The following NCOA7 variants were observed in gnomAD, a reference collection of about 807,000 sequenced individuals.
NCOA7 encodes 140 kDa estrogen receptor-associated protein.
In NCOA7, 45 loss-of-function variants were observed where a neutral mutation model predicts 104.3. The observed-to-expected ratio is 0.43, with a 90% CI of 0.34 to 0.55. The LOEUF (loss-of-function observed/expected upper bound fraction) is 0.55. Ranked by LOEUF, NCOA7 falls within the 20% of genes least tolerant of loss-of-function variation. The probability of loss-of-function intolerance (pLI) is 0.02; values close to 1 mark genes in which losing one functional copy is unlikely to be tolerated. For missense variants in NCOA7, 1,041 were observed against 1,119.7 expected, an observed-to-expected ratio of 0.93 and a Z score of 1.00; for synonymous variants, 398 against 402.3, an observed-to-expected ratio of 0.99 and a Z score of 0.13.
At chr6:125,785,268 A>T (rs1483716159) in intron 1 of NCOA7, among the ~76,000 whole-genome samples, 1 of 152,170 alleles carries the variant, frequency 6.6e-6, no homozygotes, top group African/African-American at 2.4e-5. Flanking sequence ...AACCCAGGAG[A>T]TGGCGGTTGC....
At chr6:125,825,005 C>T (rs1778544051) in intron 2 of NCOA7, among the ~76,000 whole-genome samples, 1 of 152,056 alleles carries the variant, frequency 6.6e-6, no homozygotes, top group Non-Finnish European at 1.5e-5. Flanking sequence ...CATTGTACTC[C>T]AGTCTGAGTG....
intron 2 of NCOA7, among the ~76,000 whole-genome samples, chr6:125,823,349 T>G (rs1778373763): frequency 6.6e-6 from 1 of 152,210 alleles, no homozygotes; most frequent in Admixed American, 6.5e-5. Context: ...AATTTTAATT[T>G]TTATCACTAC....
intron 1 of NCOA7, among the ~76,000 whole-genome samples, chr6:125,782,454 A>C (rs1470671903): frequency 6.6e-6 from 1 of 152,244 alleles, no homozygotes; most frequent in Non-Finnish European, 1.5e-5. Context: ...TTATATGGTC[A>C]ATAATCAAAT....
At chr6:125,908,546 T>C (rs138045297) in intron 10 of NCOA7, among the ~76,000 whole-genome samples, 2,528 of 152,262 alleles carry the variant, frequency 0.017, 70 homozygotes, top group African/African-American at 0.058. Context: ...TCTAATAATA[T>C]TGAGATCTTC....
intron 1 of NCOA7, among the ~76,000 whole-genome samples, chr6:125,793,935 T>G (rs1285725104): frequency 1.3e-5 from 2 of 152,218 alleles, no homozygotes; most frequent in African/African-American, 4.8e-5. Flanking sequence ...TTGCTAAATT[T>G]GATCAGAAGC....
At chr6:125,874,723 G>A (rs1783216475) in intron 3 of NCOA7, among the ~76,000 whole-genome samples, 166 bp from the exon 4 acceptor site, 1 of 151,938 alleles carries the variant, frequency 6.6e-6, no homozygotes, top group Non-Finnish European at 1.5e-5. Context: ...TATTCAGGAC[G>A]AATAGTGTGC....
chr6:125,902,416 C>G (rs1785583131), intron 10 of NCOA7, among the ~76,000 whole-genome samples: 1 of 151,898 alleles, frequency 6.6e-6, no homozygotes, highest in Non-Finnish European at 1.5e-5. Context: ...ACAGGCGGAA[C>G]CAACTTGGGA....
At chr6:125,873,193 G>A (rs897139163) in intron 3 of NCOA7, among the ~76,000 whole-genome samples, 5 of 152,008 alleles carry the variant, frequency 3.3e-5, no homozygotes, top group African/African-American at 1.2e-4. Context: ...CAGACATAGG[G>A]GGCTGAGTTA....
At chr6:125,920,870 G>C in intron 11 of NCOA7, 73 bp from the exon 12 acceptor site, 2 of 1,568,964 alleles carry the variant, frequency 1.3e-6, no homozygotes, top group Non-Finnish European at 8.7e-7. Flanking sequence ...GGTGTCCCTA[G>C]AGTGATTTTT....
intron 2 of NCOA7, among the ~76,000 whole-genome samples, chr6:125,836,477 A>G (rs534427297): frequency 2.0e-5 from 3 of 152,326 alleles, no homozygotes; most frequent in South Asian, 4.1e-4. Context: ...TACTCCCTGC[A>G]GAGTCTCAGT....
chr6:125,799,728 C>T (rs1213905957), intron 1 of NCOA7, among the ~76,000 whole-genome samples: 4 of 152,142 alleles, frequency 2.6e-5, no homozygotes, highest in African/African-American at 4.8e-5. Context: ...AGACATGAAC[C>T]GCTTTGCCGG....
chr6:125,821,873 T>TCAA (rs1778218526), intron 2 of NCOA7, among the ~76,000 whole-genome samples: 1 of 152,304 alleles, frequency 6.6e-6, no homozygotes, highest in Non-Finnish European at 1.5e-5. Context: ...GTCCTCTTGG[T>TCAA]CAAATACAGA....
intron 1 of NCOA7, among the ~76,000 whole-genome samples, chr6:125,791,911 C>T (rs1204091757): frequency 1.3e-5 from 2 of 152,096 alleles, no homozygotes; most frequent in East Asian, 1.9e-4. Context: ...GGCAAGATTC[C>T]CTCTTCCCAG....
intron 1 of NCOA7, among the ~76,000 whole-genome samples, chr6:125,785,771 A>T (rs1261809730): frequency 6.6e-6 from 1 of 152,258 alleles, no homozygotes; most frequent in African/African-American, 2.4e-5. Context: ...AGATATTTTT[A>T]AATTAGCTGT....
intron 1 of NCOA7, among the ~76,000 whole-genome samples, chr6:125,811,940 G>A (rs1033388240): frequency 1.3e-5 from 2 of 152,158 alleles, no homozygotes; most frequent in East Asian, 1.9e-4. Context: ...TGGCTCCAAA[G>A]GTTATTGAAA....
intron 10 of NCOA7, among the ~76,000 whole-genome samples, chr6:125,902,333 G>C (rs994256395): frequency 2.6e-5 from 4 of 152,148 alleles, no homozygotes; most frequent in Non-Finnish European, 5.9e-5. Context: ...CTGATAGGGT[G>C]GGCTAAGTTT....
chr6:125,905,028 T>C (rs1431519603), intron 10 of NCOA7, among the ~76,000 whole-genome samples: 2 of 152,166 alleles, frequency 1.3e-5, no homozygotes, highest in African/African-American at 2.4e-5. Flanking sequence ...TTACTAGTAA[T>C]TCTGTTCACT....
intron 2 of NCOA7, among the ~76,000 whole-genome samples, chr6:125,832,997 T>C (rs1779311995): frequency 6.6e-6 from 1 of 152,248 alleles, no homozygotes; most frequent in Non-Finnish European, 1.5e-5. Flanking sequence ...AACTTCAGAA[T>C]AGTTTTCTTT....
chr6:125,801,797 G>C (rs1381788932), intron 1 of NCOA7, among the ~76,000 whole-genome samples: 1 of 152,150 alleles, frequency 6.6e-6, no homozygotes, highest in Non-Finnish European at 1.5e-5. Context: ...AGTCATACTG[G>C]ATTAGGGCAC....
Sources: gnomAD v4.1 joint callset for allele counts (sites outside exome capture counted in the v4.1 genomes callset) on GRCh38, gnomAD v4.1.1 for gene constraint, MANE v1.5 for transcripts, NCBI Gene and HGNC (gene_info 2026-07-23, HGNC 2026-07-21) for gene names.